PTPN11: variants seen among roughly 807,000 people sequenced by gnomAD.
PTPN11 encodes the protein protein tyrosine phosphatase non-receptor type 11.
Under a neutral mutation model 78.8 loss-of-function variants are expected in PTPN11, and 6 were observed. The observed-to-expected ratio is 0.08, with a 90% CI of 0.04 to 0.15. The LOEUF (loss-of-function observed/expected upper bound fraction) is 0.15, where lower values mean the gene tolerates loss of function less well. Ranked by LOEUF, PTPN11 falls within the 10% of genes least tolerant of loss-of-function variation. The pLI is 1.00. For missense variants in PTPN11, 386 were observed against 744.8 expected, an observed-to-expected ratio of 0.52 and a Z score of 5.61; for synonymous variants, 221 against 263.5, an observed-to-expected ratio of 0.84 and a Z score of 1.56.
rs1462078485 is a variant in PTPN11, at chr12:112,433,397, G to C, written c.15-12879G>C. On this transcript the variant is annotated intron_variant, in intron 1 of 15. Transcript: ENST00000351677. ...CGCTCCATGATGTTACCACAGTGAC[G>C]AAATCGCCTAATGATGCATTTCTCA... 2.6e-5 allele frequency among the ~76,000 whole-genome samples: 4 copies of C among 152,132 alleles called. No individual in the cohort carries two copies. In the East Asian group the frequency reaches 7.7e-4, roughly 29 times the overall value.
chr12:112,442,859 T>A (rs1434322692), intron 1 of PTPN11, among the ~76,000 whole-genome samples: 1 of 76,524 alleles, frequency 1.3e-5, no homozygotes, highest in East Asian at 7.7e-3. Flanking sequence ...TATATATATA[T>A]ATATATATAT....
chr12:112,420,462 C>T (rs2037506009), intron 1 of PTPN11, among the ~76,000 whole-genome samples: 1 of 152,044 alleles, frequency 6.6e-6, no homozygotes, highest in Admixed American at 6.6e-5. Flanking sequence ...TCTCCTGCCT[C>T]AGCCTCCCAA....
At chr12:112,489,398 C>G (rs1468361355) in intron 13 of PTPN11, among the ~76,000 whole-genome samples, 1 of 152,218 alleles carries the variant, frequency 6.6e-6, no homozygotes. Context: ...ACCATCCTAT[C>G]AGCCTGGCCT....
chr12:112,426,564 T>G (rs1459224185), intron 1 of PTPN11, among the ~76,000 whole-genome samples: 1 of 151,794 alleles, frequency 6.6e-6, no homozygotes, highest in Non-Finnish European at 1.5e-5. Context: ...GCCAAAACTT[T>G]GTTTTTTTTC....
In PTPN11 at chr12:112,454,654, T is replaced by C. The variant is rs78376169; in HGVS notation, c.616T>C (p.Leu206=). 3.5e-5 allele frequency: 57 copies of C among 1,612,882 alleles called. No homozygotes were observed. The highest frequency in any genetic ancestry group is 6.7e-5 in the African/African-American group (5 of 74,854). The change falls in exon 5 of 16, where the codon TTG becomes CTG. Residue 206 remains leucine, a synonymous_variant. Transcript: ENST00000351677. ...TAAGAAGAATCCTATGGTGGAAACA[T>C]TGGGTACAGTACTACAACTCAAGCA... ...HYKKNPMVET[L]GTVLQLKQPL...
chr12:112,446,514 T>C, intron 2 of PTPN11, 116 bp downstream of exon 2: 1 of 1,470,940 alleles, frequency 6.8e-7, no homozygotes, highest in African/African-American at 1.4e-5. Flanking sequence ...ATCTGAGCCC[T>C]GGGCTGCCTT....
Position 112,419,008 on chromosome 12 carries a change from G to T in PTPN11, c.-104G>T. The T allele has an allele frequency of 6.9e-7, 1 of 1,450,758 alleles. No individual in the cohort carries two copies. Among genetic ancestry groups the T allele is most frequent in the Non-Finnish European group, 9.3e-7 (1 of 1,074,304 alleles). The allele number at this position is 1,450,758 out of a possible 1,614,324, so 89.9% of individuals were successfully genotyped here. A position where few individuals can be genotyped will look rare whatever the true frequency, so the allele number is the denominator to read the frequency against. On this transcript the variant is annotated 5_prime_UTR_variant, in exon 1 of 16. Coordinates refer to ENST00000351677, the MANE Select transcript of PTPN11 (RefSeq NM_002834.5). ...GCGCGGCCGGCTGGCTCTGCCCCGC[G>T]TCCGGTCCCGAGCGGGCCTCCCTCG...
At chr12:112,476,185 T>C (rs757101654) in intron 7 of PTPN11, among the ~76,000 whole-genome samples, 3 of 152,148 alleles carry the variant, frequency 2.0e-5, no homozygotes, top group Non-Finnish European at 2.9e-5. Context: ...TATGGGAAAG[T>C]GAAGGGATCA....
intron 10 of PTPN11, among the ~76,000 whole-genome samples, chr12:112,484,828 A>G (rs1454168532): frequency 6.6e-6 from 1 of 152,072 alleles, no homozygotes; most frequent in Non-Finnish European, 1.5e-5. Flanking sequence ...TCTGGGCTGC[A>G]TTGAGCTGTG....
rs564817750 is a variant in PTPN11, at chr12:112,429,133, C to T, written c.14+10008C>T. Among the ~76,000 whole-genome samples the T allele has an allele frequency of 6.6e-5, 10 of 152,276 alleles. No individual in the cohort carries two copies. In the South Asian group the frequency reaches 1.7e-3, roughly 25 times the overall value. On this transcript the variant is annotated intron_variant, in intron 1 of 15. Transcript: ENST00000351677. ...AAGCAGTGTTAGCTTAAATGACATA[C>T]ATGTCACAATTGCCTATGTGAAACT...
intron 10 of PTPN11, among the ~76,000 whole-genome samples, chr12:112,484,599 G>A (rs2038645638): frequency 6.6e-6 from 1 of 152,168 alleles, no homozygotes; most frequent in Non-Finnish European, 1.5e-5. Context: ...TGTGGTTGTG[G>A]CCCAGGGTGG....
intron 13 of PTPN11, among the ~76,000 whole-genome samples, chr12:112,498,422 T>A (rs2038837481): frequency 6.6e-6 from 1 of 152,206 alleles, no homozygotes; most frequent in Non-Finnish European, 1.5e-5. Flanking sequence ...GGACAAGTAG[T>A]CTAGGCTGCT....
At chr12:112,497,140 C>A (rs1162530090) in intron 13 of PTPN11, among the ~76,000 whole-genome samples, 1 of 149,132 alleles carries the variant, frequency 6.7e-6, no homozygotes, top group Non-Finnish European at 1.5e-5. Context: ...CCACTGCACT[C>A]CAGTCTGGGC....
At chr12:112,433,911 T>C (rs181769262) in intron 1 of PTPN11, among the ~76,000 whole-genome samples, 98 of 152,190 alleles carry the variant, frequency 6.4e-4, no homozygotes, top group African/African-American at 2.1e-3. Flanking sequence ...TGAGCCATGA[T>C]TGTGCCACTG....
intron 6 of PTPN11, among the ~76,000 whole-genome samples, chr12:112,465,880 C>T (rs2038318766): frequency 6.6e-6 from 1 of 152,152 alleles, no homozygotes; most frequent in African/African-American, 2.4e-5. Context: ...AAATAGTTTT[C>T]AGTGATGAGG....
rs2037472762 is a variant in PTPN11, at chr12:112,419,071, C to A, written c.-41C>A. 6 of 1,534,910 alleles carry A rather than the reference C, an allele frequency of 3.9e-6. No homozygotes were observed. The East Asian group carries it at 1.5e-4, about 38-fold the overall frequency. ...GTGACCGAGCCCAGCGGAGCCTGAG[C>A]AAGGAGCGGGTCCGTCGCGGAGCCG... On this transcript the variant is annotated 5_prime_UTR_variant, in exon 1 of 16. Transcript: ENST00000351677.
At chr12:112,458,340 A>G (rs1488783141) in intron 6 of PTPN11, among the ~76,000 whole-genome samples, 1 of 152,208 alleles carries the variant, frequency 6.6e-6, no homozygotes, top group Non-Finnish European at 1.5e-5. Context: ...CCTCCTGAGT[A>G]GCTGGTACTA....
chr12:112,489,451 C>A (rs994006378), intron 13 of PTPN11, among the ~76,000 whole-genome samples: 5 of 152,206 alleles, frequency 3.3e-5, no homozygotes, highest in African/African-American at 1.2e-4. Flanking sequence ...CTGATGTTCT[C>A]AGGCTCATGT....
chr12:112,480,272 A>T (rs772966953), intron 9 of PTPN11, among the ~76,000 whole-genome samples: 32 of 152,198 alleles, frequency 2.1e-4, no homozygotes, highest in Non-Finnish European at 4.3e-4. Flanking sequence ...GGGAAACTAA[A>T]ATTTGCATCA....
Sources: allele counts gnomAD v4.1 joint callset (sites outside exome capture counted in the v4.1 genomes callset), GRCh38; gene constraint gnomAD v4.1.1; transcripts MANE v1.5; gene names NCBI Gene and HGNC (gene_info 2026-07-23, HGNC 2026-07-21).